Variants in LRRC7 observed in about 807,000 individuals in gnomAD.
The protein encoded by LRRC7 is leucine rich repeat containing 7.
LRRC7 carries 23 observed loss-of-function variants against 175.7 expected under a neutral mutation model. The ratio of observed to expected loss-of-function variants is 0.13; its 90% CI spans 0.09 to 0.19. LRRC7 has a LOEUF of 0.19. LRRC7 is among the 10% of genes least tolerant of loss of function. The probability of loss-of-function intolerance (pLI) is 1.00; values close to 1 mark genes in which losing one functional copy is unlikely to be tolerated. For missense variants in LRRC7, 1,354 were observed against 1,904.7 expected (o/e 0.71, Z 5.38); for synonymous variants, 685 against 680.9 (o/e 1.01, Z -0.09).
Position 69,577,366 on chromosome 1 carries a change from A to G in LRRC7, c.2+8725A>G, listed in dbSNP as rs950174631. On this transcript the variant is annotated intron_variant, in intron 1 of 26. Transcript: ENST00000651989. ...CTGATGGTAGTTTCTTTTGCTGTGC[A>G]GAAGCTCTTTAGTTTAATTAGATCC... 7.9e-5 allele frequency among the ~76,000 whole-genome samples: 12 copies of G among 152,318 alleles called. No homozygotes were observed. The East Asian group carries it at 9.6e-4, about 12-fold the overall frequency.
chr1:70,053,168 G>A, intron 23 of LRRC7, 23 bp downstream of exon 23: 1 of 1,590,990 alleles, frequency 6.3e-7, no homozygotes, highest in South Asian at 1.2e-5. Flanking sequence ...TAATTAACAA[G>A]ACAAACCATG....
intron 1 of LRRC7, among the ~76,000 whole-genome samples, chr1:69,675,344 T>C (rs1400529930): frequency 1.3e-5 from 2 of 152,136 alleles, no homozygotes; most frequent in Non-Finnish European, 2.9e-5. Flanking sequence ...CCCTGAACCA[T>C]AATTACATGG....
At chr1:69,603,181 A>G (rs1006547681) in intron 1 of LRRC7, among the ~76,000 whole-genome samples, 1 of 152,188 alleles carries the variant, frequency 6.6e-6, no homozygotes, top group Non-Finnish European at 1.5e-5. Context: ...AGCACTCACC[A>G]TAAATCCAGC....
At chr1:69,691,813 A>G (rs1004944275) in intron 2 of LRRC7, among the ~76,000 whole-genome samples, 10 of 150,570 alleles carry the variant, frequency 6.6e-5, no homozygotes, top group Admixed American at 2.0e-4. Flanking sequence ...AAAAAAAAAA[A>G]AAAAAAAAGA....
chr1:70,038,166 G>A lies in LRRC7; in HGVS notation c.2342G>A (p.Arg781Gln), dbSNP rs201295016. The part of the protein sequence containing the change: ...PLDSKPLLSQ[R>Q]EAVPPGNIPQ... ...GATTCAAAGCCATTACTCAGCCAGC[G>A]GGAGGCTGTTCCCCCAGGCAATATA... Residue 781 changes from arginine to glutamine, a missense_variant, in exon 21 of 27, where the codon CGG becomes CAG. By Grantham distance (43) the Arg-to-Gln change is conservative. Around this residue, in one of 4 missense-constraint regions of LRRC7, gnomAD observed 1,032 missense variants for 1,227.2 expected, o/e 0.84. Transcript: ENST00000651989. 2.1e-5 allele frequency: 34 copies of A among 1,613,784 alleles called. No homozygotes were observed. Among genetic ancestry groups the A allele is most frequent in the Non-Finnish European group, 2.4e-5 (28 of 1,179,890 alleles).
chr1:70,118,949 T>C (rs1571374102), intron 26 of LRRC7, among the ~76,000 whole-genome samples: 1 of 152,026 alleles, frequency 6.6e-6, no homozygotes, highest in African/African-American at 2.4e-5. Flanking sequence ...AACTAACACC[T>C]TGTTTAAAAA....
At chr1:69,924,515 G>T (rs138415589) in intron 7 of LRRC7, among the ~76,000 whole-genome samples, 3 of 151,856 alleles carry the variant, frequency 2.0e-5, no homozygotes, top group Non-Finnish European at 4.4e-5. Context: ...GTTCCTTCAC[G>T]TCCCTTGTAA....
At chr1:69,647,140 C>G (rs1030003338) in intron 1 of LRRC7, among the ~76,000 whole-genome samples, 6 of 152,056 alleles carry the variant, frequency 3.9e-5, no homozygotes, top group African/African-American at 1.4e-4. Context: ...ATTTTCAGGT[C>G]TTTTGGTCTT....
intron 8 of LRRC7, among the ~76,000 whole-genome samples, chr1:69,956,216 C>A (rs1482985994): frequency 6.6e-6 from 1 of 151,832 alleles, no homozygotes; most frequent in Non-Finnish European, 1.5e-5. Context: ...TTGCCTGTAT[C>A]CTAGTATAAT....
intron 7 of LRRC7, chr1:69,879,597 G>A (rs2101607086): frequency 6.5e-6 from 1 of 152,694 alleles, no homozygotes; most frequent in East Asian, 1.9e-4. Context: ...ACATCCAGGC[G>A]GGGTGGCACA....
At chr1:69,706,605 T>A (rs1243936790) in intron 2 of LRRC7, among the ~76,000 whole-genome samples, 1 of 152,190 alleles carries the variant, frequency 6.6e-6, no homozygotes, top group African/African-American at 2.4e-5. Context: ...GCTGCAAGAC[T>A]AATCTAACTA....
At chr1:69,740,827 C>A (rs199592674) in intron 2 of LRRC7, among the ~76,000 whole-genome samples, 2 of 152,064 alleles carry the variant, frequency 1.3e-5, no homozygotes, top group East Asian at 3.9e-4. Flanking sequence ...ACAGCCCTGT[C>A]TCCAAATACA....
intron 7 of LRRC7, among the ~76,000 whole-genome samples, chr1:69,870,572 T>A (rs908579379): frequency 3.3e-5 from 5 of 152,054 alleles, no homozygotes; most frequent in African/African-American, 9.7e-5. Flanking sequence ...ATGAAAAAAA[T>A]ATCTCACCAT....
At chr1:69,674,647 G>A (rs998675460) in intron 1 of LRRC7, among the ~76,000 whole-genome samples, 12 of 151,816 alleles carry the variant, frequency 7.9e-5, no homozygotes, top group Non-Finnish European at 1.3e-4. Context: ...TAGTGTCCTC[G>A]GAAAATTGTC....
At chr1:69,697,927 C>T (rs1662824571) in intron 2 of LRRC7, among the ~76,000 whole-genome samples, 1 of 152,172 alleles carries the variant, frequency 6.6e-6, no homozygotes, top group Non-Finnish European at 1.5e-5. Context: ...GGAGGCAAAA[C>T]CAAATATCCT....
intron 3 of LRRC7, among the ~76,000 whole-genome samples, chr1:69,765,620 A>G (rs1028103721): frequency 1.3e-5 from 2 of 152,098 alleles, no homozygotes; most frequent in Non-Finnish European, 2.9e-5. Flanking sequence ...ATTTCCATCC[A>G]TCTATCTATC....
intron 1 of LRRC7, among the ~76,000 whole-genome samples, chr1:69,623,663 G>T (rs1255368793): frequency 6.7e-6 from 1 of 149,462 alleles, no homozygotes; most frequent in Non-Finnish European, 1.5e-5. Context: ...CAATTTTCCT[G>T]CCTCAGCCTC....
chr1:69,941,282 G>A (rs1379167878), intron 8 of LRRC7, among the ~76,000 whole-genome samples: 1 of 151,882 alleles, frequency 6.6e-6, no homozygotes, highest in East Asian at 1.9e-4. Context: ...TCTTTGGAAG[G>A]GTTTGAGCAA....
At chr1:69,579,761 G>A in intron 1 of LRRC7, among the ~76,000 whole-genome samples, 1 of 150,074 alleles carries the variant, frequency 6.7e-6, no homozygotes, top group Non-Finnish European at 1.5e-5. Flanking sequence ...CATATGACTT[G>A]CTAAGGTAAG....
Sources: gnomAD v4.1 joint callset for allele counts (sites outside exome capture counted in the v4.1 genomes callset) on GRCh38, gnomAD v4.1.1 for gene constraint, gnomAD v4.1.1 regional missense constraint, MANE v1.5 for transcripts, NCBI Gene and HGNC (gene_info 2026-07-23, HGNC 2026-07-21) for gene names.